Variants in MBD2 observed in about 807,000 individuals in gnomAD.
MBD2 encodes methyl-CpG binding domain protein 2, also known as methyl-CpG-binding domain protein 2.
MBD2 carries 9 observed loss-of-function variants against 39.3 expected under a neutral mutation model. The ratio of observed to expected loss-of-function variants is 0.23; its 90% CI spans 0.14 to 0.40. MBD2 has a LOEUF of 0.40. Ranked by LOEUF, MBD2 falls within the 10% of genes least tolerant of loss-of-function variation. The probability of loss-of-function intolerance (pLI) is 1.00; values close to 1 mark genes in which losing one functional copy is unlikely to be tolerated. For missense variants in MBD2, 458 were observed against 532.6 expected, an observed-to-expected ratio of 0.86 and a Z score of 1.38; for synonymous variants, 233 against 211.1, an observed-to-expected ratio of 1.10 and a Z score of -0.90.
In MBD2 at chr18:54,154,557, A is replaced by G. The variant is rs1301587695; in HGVS notation, c.*767T>C. ...TCTGACTCATGCCCAAGGGAAGAAA[A>G]AGCCTTATTCTTATAGAACTATCAA... On this transcript the variant is annotated 3_prime_UTR_variant, in exon 7 of 7. Coordinates refer to ENST00000256429, the MANE Select transcript of MBD2 (RefSeq NM_003927.5). 6.6e-6 allele frequency: 1 copy of G among 152,196 alleles called. No individual in the cohort carries two copies. Among genetic ancestry groups the G allele is most frequent in the Non-Finnish European group, 1.5e-5 (1 of 68,044 alleles). The allele number at this position is 152,196 out of a possible 1,614,324, so 9.4% of individuals were successfully genotyped here.
At position 54,224,539 on chromosome 18, in the gene MBD2, TC is replaced by T. The variant is rs1301242496; in HGVS notation, c.20del (p.Gly7GlufsTer26). ...CCTCCTGCTCCGGGCAGCAGCGGCC[TC>T]CCCCCGGGTGCGCGCGCATCCAGCC... MRAHPG[G>X]GRCCPEQEEG... On this transcript the variant is annotated frameshift_variant, in exon 1 of 7. Transcript: ENST00000256429. LOFTEE classifies it high-confidence loss of function. The T allele has an allele frequency of 5.7e-6, 7 of 1,219,418 alleles. No homozygotes were observed. Among genetic ancestry groups the T allele is most frequent in the South Asian group, 4.0e-5 (1 of 24,774 alleles). The allele number at this position is 1,219,418 out of a possible 1,614,324, so 75.5% of individuals were successfully genotyped here.
At chr18:54,201,294 T>C (rs1045252821) in intron 2 of MBD2, among the ~76,000 whole-genome samples, 17 of 152,294 alleles carry the variant, frequency 1.1e-4, no homozygotes, top group African/African-American at 4.1e-4. Context: ...TCTTTTTCCA[T>C]TAACCTAATG....
chr18:54,166,021 C>T, intron 4 of MBD2, 55 bp downstream of exon 4: 1 of 1,201,890 alleles, frequency 8.3e-7, no homozygotes, highest in Non-Finnish European at 1.2e-6. Context: ...TAACAGAGTG[C>T]CTGGCATGCA....
At chr18:54,215,045 A>C (rs1033803808) in intron 1 of MBD2, among the ~76,000 whole-genome samples, 1 of 152,054 alleles carries the variant, frequency 6.6e-6, no homozygotes, top group African/African-American at 2.4e-5. Context: ...CGGCCTCCAC[A>C]AGGTAGAATT....
At chr18:54,214,436 T>C (rs888749499) in intron 1 of MBD2, among the ~76,000 whole-genome samples, 1 of 152,086 alleles carries the variant, frequency 6.6e-6, no homozygotes, top group Non-Finnish European at 1.5e-5. Context: ...TGTCTTCAAG[T>C]GATCCTCCTG....
At chr18:54,214,670 C>G (rs1480740270) in intron 1 of MBD2, among the ~76,000 whole-genome samples, 2 of 151,858 alleles carry the variant, frequency 1.3e-5, no homozygotes, top group Non-Finnish European at 2.9e-5. Context: ...TTTACTGATG[C>G]ACTAACCACC....
At chr18:54,219,998 T>C (rs954017768) in intron 1 of MBD2, among the ~76,000 whole-genome samples, 12 of 152,156 alleles carry the variant, frequency 7.9e-5, no homozygotes, top group African/African-American at 2.9e-4. Flanking sequence ...AAACAGGGTT[T>C]CATCATGTTA....
At chr18:54,217,883 C>T (rs1024346661) in intron 1 of MBD2, among the ~76,000 whole-genome samples, 1 of 152,138 alleles carries the variant, frequency 6.6e-6, no homozygotes, top group Non-Finnish European at 1.5e-5. Flanking sequence ...GTAGGACAGA[C>T]AGCAATGCTG....
At chr18:54,211,153 G>T (rs1056082953) in intron 1 of MBD2, among the ~76,000 whole-genome samples, 3 of 151,904 alleles carry the variant, frequency 2.0e-5, no homozygotes, top group African/African-American at 7.3e-5. Context: ...TTACAGACGT[G>T]AGCCACCGCG....
At chr18:54,202,720 A>T in intron 2 of MBD2, 1 of 1,255,572 alleles carries the variant, frequency 8.0e-7, no homozygotes, top group Non-Finnish European at 1.0e-6. Flanking sequence ...AACATTTATT[A>T]CCACTATACA....
chr18:54,169,452 G>A (rs1258708886), intron 3 of MBD2, among the ~76,000 whole-genome samples: 1 of 152,164 alleles, frequency 6.6e-6, no homozygotes, highest in Non-Finnish European at 1.5e-5. Context: ...CTTTGCCTAA[G>A]TTTAACATTT....
In MBD2 at chr18:54,171,497, C is replaced by A. The variant is rs142697091; in HGVS notation, c.841-5331G>T. Among the ~76,000 whole-genome samples, 27 of 152,050 alleles carry A rather than the reference C, an allele frequency of 1.8e-4. No homozygotes were observed. In the East Asian group the frequency reaches 4.8e-3, roughly 27 times the overall value. Reference sequence around the variant, plus strand: ...AGATTTTAAAAAATATTATTCCATCCTCTTCCTTGCAGACAACAAGAGGAA... The same window carrying A: ...AGATTTTAAAAAATATTATTCCATCATCTTCCTTGCAGACAACAAGAGGAA... On this transcript the variant is annotated intron_variant, in intron 3 of 6. Coordinates refer to ENST00000256429, the MANE Select transcript of MBD2 (RefSeq NM_003927.5).
Position 54,153,949 on chromosome 18 carries a change from C to A in MBD2, c.*1375G>T. 6.6e-6 allele frequency: 1 copy of A among 152,310 alleles called. No individual in the cohort carries two copies. 9.4% of individuals were successfully genotyped at this position (152,310 alleles called of 1,614,324 possible). A position where few individuals can be genotyped will look rare whatever the true frequency, so the allele number is the denominator to read the frequency against. On this transcript the variant is annotated 3_prime_UTR_variant, in exon 7 of 7. Transcript: ENST00000256429. ...AGCCCAAACCTAGCTAGTCATATTG[C>A]TTTGACTATTCCCCTCTTCTTCCCT...
chr18:54,184,334 G>A (rs1009164671), intron 3 of MBD2, among the ~76,000 whole-genome samples: 2 of 152,018 alleles, frequency 1.3e-5, no homozygotes, highest in East Asian at 1.9e-4. Context: ...TGTGCTCTGC[G>A]CATGTGAGGA....
chr18:54,224,535 G>A lies in MBD2; in HGVS notation c.25C>T (p.Arg9Cys). The A allele has an allele frequency of 1.6e-6, 2 of 1,230,030 alleles. No individual in the cohort carries two copies. Among genetic ancestry groups the A allele is most frequent in the South Asian group, 4.0e-5 (1 of 25,114 alleles). The allele number at this position is 1,230,030 out of a possible 1,614,324, so 76.2% of individuals were successfully genotyped here. Residue 9 changes from arginine (R) to cysteine (C), a missense_variant, in exon 1 of 7, where the codon CGC becomes TGC. Around this residue, in one of 2 missense-constraint regions of MBD2, gnomAD observed 269 missense variants for 236.0 expected, o/e 1.14. Transcript: ENST00000256429. ...CCCTCCTCCTGCTCCGGGCAGCAGCGGCCTCCCCCCGGGTGCGCGCGCATC... is the reference window on the plus strand; with the variant it reads ...CCCTCCTCCTGCTCCGGGCAGCAGCAGCCTCCCCCCGGGTGCGCGCGCATC... MRAHPGGG[R>C]CCPEQEEGES... is the part of the protein sequence containing the mutation.
intron 3 of MBD2, among the ~76,000 whole-genome samples, chr18:54,185,985 T>C (rs1811335098): frequency 6.6e-6 from 1 of 152,066 alleles, no homozygotes; most frequent in Non-Finnish European, 1.5e-5. Context: ...AATTTATATA[T>C]TTTATAGAAT....
chr18:54,169,564 CAGTAATATTCAAAAGGTG>C (rs1478244249), intron 3 of MBD2, among the ~76,000 whole-genome samples: 11 of 152,172 alleles, frequency 7.2e-5, no homozygotes, highest in Admixed American at 3.9e-4. Flanking sequence ...AGTCCAAAGA[CAGTAATATTCAAAAGGTG>C]AGTAATATTC....
intron 3 of MBD2, among the ~76,000 whole-genome samples, chr18:54,184,337 T>C (rs1420915101): frequency 6.6e-6 from 1 of 152,128 alleles, no homozygotes; most frequent in African/African-American, 2.4e-5. Flanking sequence ...GCTCTGCGCA[T>C]GTGAGGAATC....
intron 1 of MBD2, among the ~76,000 whole-genome samples, chr18:54,214,005 T>TTC (rs1236683132): frequency 2.1e-5 from 3 of 143,444 alleles, no homozygotes; most frequent in African/African-American, 5.1e-5. Flanking sequence ...CTTTCTTTCT[T>TTC]TTTTTTTTTT....
Sources: allele counts gnomAD v4.1 joint callset (sites outside exome capture counted in the v4.1 genomes callset), GRCh38; gene constraint gnomAD v4.1.1; regional missense constraint gnomAD v4.1.1; transcripts MANE v1.5; gene names NCBI Gene and HGNC (gene_info 2026-07-23, HGNC 2026-07-21).